MESD: variants seen among roughly 807,000 people sequenced by gnomAD.
MESD encodes the protein LRP chaperone MESD.
MESD carries 7 observed loss-of-function variants against 12.9 expected under a neutral mutation model. The observed-to-expected ratio is 0.54, with a 90% CI of 0.31 to 1.02. The LOEUF is 1.02. Ranked by LOEUF, MESD falls within the 50% of genes least tolerant of loss-of-function variation. MESD has a pLI of 0.05. For missense variants in MESD, 342 were observed against 296.7 expected, an observed-to-expected ratio of 1.15 and a Z score of -1.12; for synonymous variants, 126 against 115.6, an observed-to-expected ratio of 1.09 and a Z score of -0.58.
At position 80,952,396 on chromosome 15, in the gene MESD, C is replaced by T. The variant is rs116083224; in HGVS notation, c.*289-100G>A. ...GGCAGCCACTAGCTTCATGGGGCTA[C>T]CTACATTTAAATTAATTTAAATTAA... is the stretch of plus-strand genomic sequence containing the variant. On this transcript the variant is annotated intron_variant, in intron 3 of 4. Transcript: ENST00000561312. 1,218 of 291,644 alleles carry T rather than the reference C, an allele frequency of 4.2e-3. 19 individuals carry two copies. Among genetic ancestry groups the T allele is most frequent in the African/African-American group, 0.025 (1,146 of 45,248 alleles). 18.1% of individuals were successfully genotyped at this position (291,644 alleles called of 1,614,324 possible).
intron 3 of MESD, among the ~76,000 whole-genome samples, chr15:80,962,928 T>C (rs1409640330): frequency 1.3e-5 from 2 of 151,988 alleles, no homozygotes; most frequent in Non-Finnish European, 2.9e-5. Context: ...TTAAAAGAAC[T>C]AGAGAAGTAA....
At position 80,979,496 on chromosome 15, in the gene MESD, ATCAG is replaced by A. The variant is rs762487674; in HGVS notation, c.447-23_447-20del. 1.2e-6 allele frequency: 2 copies of A among 1,610,714 alleles called. No homozygotes were observed. The highest frequency in any genetic ancestry group is 3.3e-5 in the Admixed American group (2 of 59,914). ...AATGAACCTTGGGCAGAGAGATGCAATCAGTCAGCCAGCACGTACTAGTAAGGTG... is the reference window on the plus strand; with the variant it reads ...AATGAACCTTGGGCAGAGAGATGCAATCAGCCAGCACGTACTAGTAAGGTG... On this transcript the variant is annotated intron_variant, in intron 2 of 2. Coordinates refer to ENST00000261758, the MANE Select transcript of MESD (RefSeq NM_015154.3).
chr15:80,973,571 A>G (rs1902337685), downstream of MESD, among the ~76,000 whole-genome samples: 1 of 152,172 alleles, frequency 6.6e-6, no homozygotes, highest in Non-Finnish European at 1.5e-5. Context: ...CTTACTATGA[A>G]CACAAACCCT....
chr15:80,949,084 G>T, intron 4 of MESD: 1 of 941,250 alleles, frequency 1.1e-6, no homozygotes, highest in East Asian at 2.5e-5. Context: ...CAGAGACCCT[G>T]GTGCTGCCAC....
intron 2 of MESD, among the ~76,000 whole-genome samples, chr15:80,979,936 T>C (rs954910645): frequency 6.6e-6 from 1 of 152,214 alleles, no homozygotes; most frequent in Non-Finnish European, 1.5e-5. Context: ...GATAAGAGGC[T>C]ATGAAGGACT....
intron 3 of MESD, among the ~76,000 whole-genome samples, chr15:80,968,392 C>G (rs1346889387): frequency 1.3e-5 from 2 of 152,350 alleles, no homozygotes; most frequent in African/African-American, 4.8e-5. Flanking sequence ...AGAAAACAGC[C>G]CAGGCAGGAT....
At chr15:80,952,265 A>G (rs1157861603) in exon 4 of MESD, 1 of 455,986 alleles carries the variant, frequency 2.2e-6, no homozygotes, top group African/African-American at 2.0e-5. Flanking sequence ...GGTAGAGGGC[A>G]CCTCAGGCAG....
rs922846615 is a variant in MESD, at chr15:80,989,807, C to T, written c.-16G>A. 1.4e-5 allele frequency: 21 copies of T among 1,554,408 alleles called. No individual in the cohort carries two copies. The highest frequency in any genetic ancestry group is 1.7e-5 in the Non-Finnish European group (20 of 1,157,022). On this transcript the variant is annotated 5_prime_UTR_variant, in exon 1 of 3. Transcript: ENST00000261758. ...AAGCCGCCATTTTCGCTGCGCCGCG[C>T]AGCGCCCTAGACGCGCTTACCCGAC...
At position 80,989,672 on chromosome 15, in the gene MESD, C is replaced by T. The variant is rs767258255; in HGVS notation, c.120G>A (p.Thr40=). 19 of 1,613,286 alleles carry T rather than the reference C, an allele frequency of 1.2e-5. No individual in the cohort carries two copies. The highest frequency in any genetic ancestry group is 1.2e-5 in the Non-Finnish European group (14 of 1,180,006). ...GSCAAEGSPG[T]PDESTPPPRK... The stretch of plus-strand genomic sequence containing the variant: ...GGGGAGGTGGGGTAGACTCGTCGGG[C>T]GTCCCGGGCGAGCCTTCGGCCGCGC... Residue 40 remains threonine, a synonymous_variant, in exon 1 of 3, where the codon ACG becomes ACA. Transcript: ENST00000261758.
At chr15:80,971,018 A>C (rs1017512107), downstream of MESD, among the ~76,000 whole-genome samples, 1 of 152,280 alleles carries the variant, frequency 6.6e-6, no homozygotes, top group Admixed American at 6.5e-5. Flanking sequence ...AAATTGATTA[A>C]CAGGATTCTT....
At chr15:80,980,718 T>A (rs890654811) in intron 2 of MESD, among the ~76,000 whole-genome samples, 1 of 152,072 alleles carries the variant, frequency 6.6e-6, no homozygotes, top group Non-Finnish European at 1.5e-5. Flanking sequence ...CAAGGATCAC[T>A]TGAGGCCAGC....
At chr15:80,952,276 C>T in exon 4 of MESD, 1 of 455,638 alleles carries the variant, frequency 2.2e-6, no homozygotes, top group South Asian at 1.6e-5. Flanking sequence ...CCTCAGGCAG[C>T]ACTGGAAGGG....
intron 3 of MESD, among the ~76,000 whole-genome samples, chr15:80,968,764 G>A (rs928455365): frequency 6.6e-6 from 1 of 152,340 alleles, no homozygotes; most frequent in Middle Eastern, 3.4e-3. Context: ...GCTTAGATGA[G>A]TGAGGTCCTT....
At chr15:80,973,876 T>G (rs191682377), downstream of MESD, among the ~76,000 whole-genome samples, 4 of 152,370 alleles carry the variant, frequency 2.6e-5, no homozygotes, top group Non-Finnish European at 4.4e-5. Flanking sequence ...AAGTGCCTCC[T>G]GCCTTTGCCC....
downstream of MESD, among the ~76,000 whole-genome samples, chr15:80,973,924 C>T (rs576508447): frequency 4.6e-5 from 7 of 152,228 alleles, no homozygotes; most frequent in African/African-American, 1.4e-4. Flanking sequence ...CTCCGGAGAT[C>T]GGAAGAGAAA....
chr15:80,975,219 AAC>A (rs10546038), downstream of MESD, among the ~76,000 whole-genome samples: 18,814 of 148,544 alleles, frequency 0.13, 1,193 homozygotes, highest in Middle Eastern at 0.18. Flanking sequence ...AAAAAAAAAA[AAC>A]AAAAAAAAAA....
chr15:80,948,658 T>C, exon 5 of MESD: 1 of 1,160,730 alleles, frequency 8.6e-7, no homozygotes, highest in Non-Finnish European at 1.3e-6. Context: ...CACAGAGCTC[T>C]TCCCAAGGGG....
chr15:80,963,729 C>T (rs1391032984), intron 3 of MESD, among the ~76,000 whole-genome samples: 1 of 152,102 alleles, frequency 6.6e-6, no homozygotes, highest in Non-Finnish European at 1.5e-5. Flanking sequence ...CGACAAAAAC[C>T]ACATGATTAT....
intron 4 of MESD, chr15:80,949,194 C>G: frequency 2.0e-6 from 1 of 498,208 alleles, no homozygotes; most frequent in Non-Finnish European, 3.7e-6. Flanking sequence ...TCTCTCCTAT[C>G]TGTGCCTCTT....
Sources: gnomAD v4.1 joint callset for allele counts (sites outside exome capture counted in the v4.1 genomes callset) on GRCh38, gnomAD v4.1.1 for gene constraint, MANE v1.5 for transcripts, NCBI Gene and HGNC (gene_info 2026-07-23, HGNC 2026-07-21) for gene names.